The following HCN2 variants were observed in gnomAD, a reference collection of about 807,000 sequenced individuals.
HCN2 encodes the protein potassium/sodium hyperpolarization-activated cyclic nucleotide-gated channel 2.
In HCN2, 20 loss-of-function variants were observed where a neutral mutation model predicts 52.3. The ratio of observed to expected loss-of-function variants is 0.38; its 90% CI spans 0.27 to 0.56. The LOEUF (loss-of-function observed/expected upper bound fraction) is 0.56. HCN2 is among the 20% of genes least tolerant of loss of function. The probability of loss-of-function intolerance (pLI) is 0.71; values close to 1 mark genes in which losing one functional copy is unlikely to be tolerated. For missense variants in HCN2, 981 were observed against 1,207.7 expected (o/e 0.81, Z 2.78); for synonymous variants, 694 against 537.0 (o/e 1.29, Z -4.04).
chr19:612,398 GTGT>G (rs1568367847), intron 5 of HCN2, among the ~76,000 whole-genome samples: 4 of 44,878 alleles, frequency 8.9e-5, no homozygotes, highest in Non-Finnish European at 1.6e-4. Context: ...CCACTGGTGT[GTGT>G]GTGTGTGTGT....
chr19:597,774 C>T (rs1231916713), intron 1 of HCN2, among the ~76,000 whole-genome samples: 11 of 150,068 alleles, frequency 7.3e-5, no homozygotes, highest in Non-Finnish European at 1.5e-5. Flanking sequence ...CTAGGTCCCC[C>T]TTGGTGGTTT....
In HCN2 at chr19:609,821, A is replaced by G. The variant is rs193269531; in HGVS notation, c.1438-438A>G. Among the ~76,000 whole-genome samples, 949 of 152,304 alleles carry G rather than the reference A, an allele frequency of 6.2e-3. 10 individuals carry two copies. The highest frequency in any genetic ancestry group is 0.021 in the African/African-American group (888 of 41,570). The stretch of plus-strand genomic sequence containing the variant: ...GAGGCTGAGGTGGGAGGATTGCTTG[A>G]GCCCATAGGCGGAGGCTGCAGTGAG... On this transcript the variant is annotated intron_variant, in intron 4 of 7. Coordinates refer to ENST00000251287, the MANE Select transcript of HCN2 (RefSeq NM_001194.4).
chr19:606,056 A>G (rs958141555), intron 3 of HCN2, among the ~76,000 whole-genome samples: 4 of 152,140 alleles, frequency 2.6e-5, no homozygotes, highest in South Asian at 4.1e-4. Flanking sequence ...GCGTTTTCCA[A>G]TGGATTTCCC....
At chr19:610,546 A>ACCCTC (rs1166116542) in intron 5 of HCN2, 141 bp downstream of exon 5, 10 of 685,342 alleles carry the variant, frequency 1.5e-5, no homozygotes, top group South Asian at 1.3e-4. Context: ...CTGCGTACAC[A>ACCCTC]CCCTCCCCTC....
Position 613,428 on chromosome 19 carries a change from G to A in HCN2, c.1765G>A (p.Val589Ile). ...GATGTACTTCATCCAGCACGGCGTG[G>A]TCAGCGTGCTCACTAAGGGCAACAA... The part of the protein sequence containing the change: ...KKMYFIQHGV[V>I]SVLTKGNKEM... Residue 589 changes from valine to isoleucine, a missense_variant, in exon 6 of 8, where the codon GTC becomes ATC. Coordinates refer to ENST00000251287, the MANE Select transcript of HCN2 (RefSeq NM_001194.4). 1 of 1,611,708 alleles carries A rather than the reference G, an allele frequency of 6.2e-7. No individual in the cohort carries two copies. The highest frequency in any genetic ancestry group is 2.2e-5 in the East Asian group (1 of 44,830).
intron 1 of HCN2, among the ~76,000 whole-genome samples, chr19:598,438 C>T (rs781400180): frequency 2.0e-5 from 3 of 151,998 alleles, no homozygotes; most frequent in African/African-American, 4.8e-5. Context: ...TCCCAAGTAG[C>T]TGGGTCCACA....
chr19:611,909 G>T (rs1983651269), intron 5 of HCN2, among the ~76,000 whole-genome samples: 1 of 152,176 alleles, frequency 6.6e-6, no homozygotes, highest in Non-Finnish European at 1.5e-5. Context: ...ACTTTCAGAG[G>T]CCGAGACGGG....
Position 616,995 on chromosome 19 carries a change from CGA to C in HCN2, c.*525_*526del. 2.0e-6 allele frequency: 1 copy of C among 499,578 alleles called. No homozygotes were observed. Among genetic ancestry groups the C allele is most frequent in the Admixed American group, 3.4e-5 (1 of 29,406 alleles). The allele number at this position is 499,578 out of a possible 1,614,324, so 30.9% of individuals were successfully genotyped here. A position where few individuals can be genotyped will look rare whatever the true frequency, so the allele number is the denominator to read the frequency against. Reference sequence around the variant, plus strand: ...CCCCGCCTCCCTCCAGCACTGGCACCGAGAGGCAGGCCTGGCTGCGCAGGGCG... The same window carrying C: ...CCCCGCCTCCCTCCAGCACTGGCACCGAGGCAGGCCTGGCTGCGCAGGGCG... On this transcript the variant is annotated 3_prime_UTR_variant, in exon 8 of 8. Coordinates refer to ENST00000251287, the MANE Select transcript of HCN2 (RefSeq NM_001194.4).
rs1422544945 is a variant in HCN2, at chr19:610,252, C to T, written c.1438-7C>T. ...GTGTCTGACCCAGCCTCGCCTCCTC[C>T]CCACAGTACAAGCAGGTGGAGCAGT... On this transcript the variant is annotated splice_polypyrimidine_tract_variant and splice_region_variant and intron_variant, in intron 4 of 7. Coordinates refer to ENST00000251287, the MANE Select transcript of HCN2 (RefSeq NM_001194.4). The T allele has an allele frequency of 1.9e-6, 3 of 1,612,972 alleles. 1 individual carries two copies. In the East Asian group the frequency reaches 6.7e-5, roughly 36 times the overall value.
At chr19:605,000 G>C in intron 2 of HCN2, 61 bp from the exon 3 acceptor site, 2 of 1,559,808 alleles carry the variant, frequency 1.3e-6, no homozygotes, top group Non-Finnish European at 1.7e-6. Flanking sequence ...ACGGGGCTGG[G>C]GCTCTGAAGG....
At chr19:594,011 C>G (rs921961014) in intron 1 of HCN2, among the ~76,000 whole-genome samples, 18 of 152,142 alleles carry the variant, frequency 1.2e-4, no homozygotes. Flanking sequence ...CCACACAGGT[C>G]CACTTGGGAA....
rs765831811 is a variant in HCN2, at chr19:615,844, G to A, written c.2040G>A (p.Ser680=). 6.2e-6 allele frequency: 10 copies of A among 1,612,830 alleles called. No homozygotes were observed. Among genetic ancestry groups the A allele is most frequent in the South Asian group, 1.1e-5 (1 of 91,006 alleles). Residue 680 remains serine (S), a synonymous_variant, in exon 8 of 8, where the codon TCG becomes TCA. Coordinates refer to ENST00000251287, the MANE Select transcript of HCN2 (RefSeq NM_001194.4). ...ACAAGGTGCAGCATGACCTCAACTCGGGCGTATTCAACAACCAGGAGAACG... is the reference window on the plus strand; with the variant it reads ...ACAAGGTGCAGCATGACCTCAACTCAGGCGTATTCAACAACCAGGAGAACG... The part of the protein sequence containing the change: ...LLHKVQHDLN[S]GVFNNQENAI...
Position 605,301 on chromosome 19 carries a change from T to TCAAGTGGCGCGCTC in HCN2, c.1218+79_1218+80insCAAGTGGCGCGCTC, listed in dbSNP as rs1177049000. On this transcript the variant is annotated intron_variant, in intron 3 of 7. Transcript: ENST00000251287. ...GGGACCCAGGCCCCCTTATCCCGCT[T>TCAAGTGGCGCGCTC]ACAGAGGGTTGAACCCAAGCCTTTC... 2.0e-4 allele frequency: 284 copies of TCAAGTGGCGCGCTC among 1,389,752 alleles called. 1 individual carries two copies. The highest frequency in any genetic ancestry group is 3.8e-4 in the Admixed American group (17 of 44,866). The allele number at this position is 1,389,752 out of a possible 1,614,324, so 86.1% of individuals were successfully genotyped here. A position where few individuals can be genotyped will look rare whatever the true frequency, so the allele number is the denominator to read the frequency against.
At chr19:612,091 G>C (rs996123406) in intron 5 of HCN2, among the ~76,000 whole-genome samples, 3 of 151,942 alleles carry the variant, frequency 2.0e-5, no homozygotes, top group Admixed American at 1.3e-4. Context: ...GTTGCAGTGA[G>C]CCGAGATTGT....
Position 592,413 on chromosome 19 carries a change from C to G in HCN2, c.632+1836C>G, listed in dbSNP as rs971212513. Reference sequence around the variant, plus strand: ...TGATCCCGGGGCTTGGGGGGAAGGCCGGTGGTAGGAGTGAAGCCCTCTCAT... The same window carrying G: ...TGATCCCGGGGCTTGGGGGGAAGGCGGGTGGTAGGAGTGAAGCCCTCTCAT... On this transcript the variant is annotated intron_variant, in intron 1 of 7. Coordinates refer to ENST00000251287, the MANE Select transcript of HCN2 (RefSeq NM_001194.4). The surrounding 1 kb of genome is among the most constrained non-coding windows in gnomAD (Gnocchi z 4.8). 1.3e-5 allele frequency among the ~76,000 whole-genome samples: 2 copies of G among 152,146 alleles called. No individual in the cohort carries two copies. Among genetic ancestry groups the G allele is most frequent in the African/African-American group, 2.4e-5 (1 of 41,440 alleles).
Position 616,245 on chromosome 19 carries a change from G to C in HCN2, c.2441G>C (p.Ser814Thr). 9.9e-7 allele frequency: 1 copy of C among 1,007,842 alleles called. No individual in the cohort carries two copies. The highest frequency in any genetic ancestry group is 4.3e-5 in the South Asian group (1 of 23,222). The allele number at this position is 1,007,842 out of a possible 1,614,324, so 62.4% of individuals were successfully genotyped here. A position where few individuals can be genotyped will look rare whatever the true frequency, so the allele number is the denominator to read the frequency against. Residue 814 changes from serine (S) to threonine (T), a missense_variant, in exon 8 of 8, where the codon AGC (serine) becomes ACC (threonine). Ser to Thr is a moderately conservative substitution (Grantham distance 58, BLOSUM62 1). Around this residue, in one of 6 missense-constraint regions of HCN2, gnomAD observed 368 missense variants for 314.8 expected, o/e 1.17. Transcript: ENST00000251287. ...CCCGCCCTGCCCGCGCGCCGCCTGA[G>C]CCGCGCGTCGCGCCCACTGTCCGCC... ...AGPALPARRLSRASRPLSASQ... is the reference protein window; with the variant it reads ...AGPALPARRLTRASRPLSASQ...
At chr19:615,026 CTGAG>C (rs1206237717) in intron 7 of HCN2, among the ~76,000 whole-genome samples, 8 of 152,230 alleles carry the variant, frequency 5.3e-5, no homozygotes, top group Non-Finnish European at 8.8e-5. Context: ...CAACCCGTTC[CTGAG>C]TATCAGGTGC....
rs564382534 is a variant in HCN2 at position 602,883 on chromosome 19, G to T, written c.633-661G>T. On this transcript the variant is annotated intron_variant, in intron 1 of 7. Transcript: ENST00000251287. ...GGGCGTTGGGCTCCCTCGGGGCTGG[G>T]TGGCCTTCCTGGGGTGGGAGCCTGG... Among the ~76,000 whole-genome samples, 3 of 150,210 alleles carry T rather than the reference G, an allele frequency of 2.0e-5. No individual in the cohort carries two copies. In the South Asian group the frequency reaches 6.3e-4, roughly 32 times the overall value.
Position 592,224 on chromosome 19 carries a change from C to T in HCN2, c.632+1647C>T, listed in dbSNP as rs968066367. On this transcript the variant is annotated intron_variant, in intron 1 of 7. Coordinates refer to ENST00000251287, the MANE Select transcript of HCN2 (RefSeq NM_001194.4). The surrounding 1 kb of genome is among the most constrained non-coding windows in gnomAD (Gnocchi z 4.8). ...AGGGAGCTGTAGAACGTGCCCACTC[C>T]CCTCCGTCCCCTCCAGCATGACCTT... 1.3e-5 allele frequency among the ~76,000 whole-genome samples: 2 copies of T among 152,236 alleles called. No homozygotes were observed. The highest frequency in any genetic ancestry group is 4.8e-5 in the African/African-American group (2 of 41,462).
Sources: allele counts gnomAD v4.1 joint callset (sites outside exome capture counted in the v4.1 genomes callset), GRCh38; gene constraint gnomAD v4.1.1; regional missense constraint gnomAD v4.1.1; non-coding constraint Gnocchi (gnomAD v3.1); transcripts MANE v1.5; gene names NCBI Gene and HGNC (gene_info 2026-07-23, HGNC 2026-07-21).